Variants in PARD3 observed in about 807,000 individuals in gnomAD.
The protein encoded by PARD3 is par-3 family cell polarity regulator.
Under a neutral mutation model 155.4 loss-of-function variants are expected in PARD3, and 75 were observed. The ratio of observed to expected loss-of-function variants is 0.48; its 90% CI spans 0.40 to 0.58. The LOEUF (loss-of-function observed/expected upper bound fraction) is 0.58. Among genes scored for constraint, PARD3 ranks in the 20% least tolerant of loss-of-function variants. The probability of loss-of-function intolerance (pLI) is 0.00; values close to 1 mark genes in which losing one functional copy is unlikely to be tolerated. For synonymous variants in PARD3, 576 were observed against 610.5 expected, an observed-to-expected ratio of 0.94 and a Z score of 0.83; for missense variants, 1,642 against 1,721.7, an observed-to-expected ratio of 0.95 and a Z score of 0.82.
chr10:34,187,590 T>C (rs796775823), intron 22 of PARD3, among the ~76,000 whole-genome samples: 4 of 152,286 alleles, frequency 2.6e-5, no homozygotes, highest in Admixed American at 6.5e-5. Flanking sequence ...TCACAAAGAA[T>C]CTAAACAACA....
At position 34,334,821 on chromosome 10, in the gene PARD3, T is replaced by C. The variant is rs927540767; in HGVS notation, c.2605+1378A>G. ...ACTATAAAATCTGCCTTGAAACTTATGTAATGACTTTCCATGAAAGTTATC... is the reference window on the plus strand; with the variant it reads ...ACTATAAAATCTGCCTTGAAACTTACGTAATGACTTTCCATGAAAGTTATC... On this transcript the variant is annotated intron_variant, in intron 18 of 24. Transcript: ENST00000374788. Among the ~76,000 whole-genome samples the C allele has an allele frequency of 2.0e-5, 3 of 151,908 alleles. No homozygotes were observed. In the South Asian group the frequency reaches 6.2e-4, roughly 31 times the overall value.
rs192648526 is a variant in PARD3 at position 34,551,638 on chromosome 10, G to A, written c.223-34479C>T. On this transcript the variant is annotated intron_variant, in intron 2 of 24. Coordinates refer to ENST00000374788, the MANE Select transcript of PARD3 (RefSeq NM_001184785.2). Reference sequence around the variant, plus strand: ...GAAGAATCCAGGCAGGGGCAATAACGGGGTGTCGGCAGAGGCAGAAGGTTT... The same window carrying A: ...GAAGAATCCAGGCAGGGGCAATAACAGGGTGTCGGCAGAGGCAGAAGGTTT... Among the ~76,000 whole-genome samples the A allele has an allele frequency of 1.2e-4, 19 of 152,272 alleles. No homozygotes were observed. In the East Asian group the frequency reaches 1.9e-3, roughly 16 times the overall value.
chr10:34,298,534 C>T (rs1020869984), intron 20 of PARD3, among the ~76,000 whole-genome samples: 1 of 152,112 alleles, frequency 6.6e-6, no homozygotes, highest in African/African-American at 2.4e-5. Context: ...TGAGGTAGCT[C>T]AAGTAGTCAA....
chr10:34,136,158 C>A (rs533765651), intron 22 of PARD3, among the ~76,000 whole-genome samples: 8 of 152,238 alleles, frequency 5.3e-5, no homozygotes, highest in African/African-American at 1.9e-4. Flanking sequence ...TTCATTGCAC[C>A]AAAATAATAA....
At chr10:34,720,042 A>T (rs1019259286) in intron 1 of PARD3, among the ~76,000 whole-genome samples, 8 of 152,234 alleles carry the variant, frequency 5.3e-5, no homozygotes, top group African/African-American at 1.9e-4. Flanking sequence ...ATTGGCACTG[A>T]AATTTCAGCT....
At chr10:34,716,358 C>A (rs1315448951) in intron 1 of PARD3, among the ~76,000 whole-genome samples, 1 of 152,150 alleles carries the variant, frequency 6.6e-6, no homozygotes, top group Admixed American at 6.5e-5. Context: ...TAAAATCCTG[C>A]ATGGAAGCAT....
intron 5 of PARD3, among the ~76,000 whole-genome samples, chr10:34,446,272 C>T (rs2072804665): frequency 6.6e-6 from 1 of 152,158 alleles, no homozygotes; most frequent in South Asian, 2.1e-4. Flanking sequence ...TATTCCCTAG[C>T]TCCAGACTTC....
At chr10:34,792,207 T>G (rs2134253238) in intron 1 of PARD3, among the ~76,000 whole-genome samples, 1 of 152,256 alleles carries the variant, frequency 6.6e-6, no homozygotes, top group Non-Finnish European at 1.5e-5. Flanking sequence ...CACCCAACGC[T>G]GGGTGGGAGA....
At chr10:34,462,190 C>A (rs1384936639) in intron 4 of PARD3, among the ~76,000 whole-genome samples, 1 of 152,200 alleles carries the variant, frequency 6.6e-6, no homozygotes, top group Non-Finnish European at 1.5e-5. Context: ...TCAGCTGGAT[C>A]TCCCTTGAAA....
chr10:34,408,353 T>C (rs999379262), intron 5 of PARD3, among the ~76,000 whole-genome samples: 4 of 152,208 alleles, frequency 2.6e-5, no homozygotes, highest in Admixed American at 2.6e-4. Context: ...CAACTAAATG[T>C]TCTTTTTCAT....
chr10:34,345,907 G>C, intron 15 of PARD3: 1 of 985,086 alleles, frequency 1.0e-6, no homozygotes, highest in South Asian at 4.7e-5. Flanking sequence ...CAAAACACAA[G>C]ATGAATCAAA....
intron 2 of PARD3, among the ~76,000 whole-genome samples, chr10:34,635,519 A>G (rs1180494648): frequency 6.6e-6 from 1 of 152,192 alleles, no homozygotes; most frequent in Non-Finnish European, 1.5e-5. Context: ...GTTGCTACAG[A>G]ACTAAGGGAG....
At chr10:34,800,878 C>CAG (rs1363252975) in intron 1 of PARD3, among the ~76,000 whole-genome samples, 1 of 152,152 alleles carries the variant, frequency 6.6e-6, no homozygotes, top group Non-Finnish European at 1.5e-5. Flanking sequence ...ACACCAAAAG[C>CAG]AGAGACTGAG....
intron 22 of PARD3, among the ~76,000 whole-genome samples, chr10:34,204,508 T>C (rs1951372795): frequency 6.6e-6 from 1 of 152,174 alleles, no homozygotes; most frequent in African/African-American, 2.4e-5. Context: ...CTTGCAACCT[T>C]CATTTAACCC....
At chr10:34,591,583 T>C (rs2088685261) in intron 2 of PARD3, among the ~76,000 whole-genome samples, 1 of 152,128 alleles carries the variant, frequency 6.6e-6, no homozygotes, top group South Asian at 2.1e-4. Context: ...GACTTGTCGA[T>C]CAGGGGAGAC....
At chr10:34,460,635 C>A (rs142593037) in intron 4 of PARD3, among the ~76,000 whole-genome samples, 6,025 of 152,082 alleles carry the variant, frequency 0.04, 187 homozygotes, top group Non-Finnish European at 0.061. Context: ...AGATCGAGAC[C>A]ATCCTGACTA....
chr10:34,306,128 T>C (rs1420331911), intron 20 of PARD3, among the ~76,000 whole-genome samples: 1 of 151,728 alleles, frequency 6.6e-6, no homozygotes, highest in Non-Finnish European at 1.5e-5. Flanking sequence ...ACCCCATCTC[T>C]ACGAAATTAG....
intron 3 of PARD3, among the ~76,000 whole-genome samples, chr10:34,478,943 C>T (rs1005024441): frequency 3.3e-5 from 5 of 152,080 alleles, no homozygotes; most frequent in South Asian, 2.1e-4. Context: ...AATATAACCA[C>T]TCTGATCAAA....
chr10:34,281,563 C>G (rs1312132341), intron 21 of PARD3, among the ~76,000 whole-genome samples: 1 of 152,058 alleles, frequency 6.6e-6, no homozygotes, highest in East Asian at 1.9e-4. Context: ...GACCCAACCT[C>G]ACAGTGTTGG....
Sources: gnomAD v4.1 joint callset for allele counts (sites outside exome capture counted in the v4.1 genomes callset) on GRCh38, gnomAD v4.1.1 for gene constraint, MANE v1.5 for transcripts, NCBI Gene and HGNC (gene_info 2026-07-23, HGNC 2026-07-21) for gene names.